The following MBNL1 variants were observed in gnomAD, a reference collection of about 807,000 sequenced individuals.
The protein encoded by MBNL1 is muscleblind-like protein 1.
Under a neutral mutation model 42.2 loss-of-function variants are expected in MBNL1, and 8 were observed. The ratio of observed to expected loss-of-function variants is 0.19; its 90% CI spans 0.11 to 0.34. MBNL1 has a LOEUF of 0.34. Among genes scored for constraint, MBNL1 ranks in the 10% least tolerant of loss-of-function variants. The pLI is 1.00. For synonymous variants in MBNL1, 169 were observed against 173.9 expected (o/e 0.97, Z 0.22); for missense variants, 309 against 495.3 (o/e 0.62, Z 3.57).
At chr3:152,326,948 A>G (rs991494119) in intron 2 of MBNL1, among the ~76,000 whole-genome samples, 4 of 151,812 alleles carry the variant, frequency 2.6e-5, no homozygotes. Context: ...AATTACAGGC[A>G]TGCACCACCA....
intron 3 of MBNL1, among the ~76,000 whole-genome samples, chr3:152,421,222 C>T (rs766459023): frequency 1.3e-5 from 2 of 152,160 alleles, no homozygotes; most frequent in African/African-American, 2.4e-5. Context: ...ACTTCCCCAA[C>T]CTAGCAAGAT....
rs1023006189 is a variant in MBNL1, at chr3:152,297,254, G to GTTTT, written c.-789-2134_-789-2131dup. ...GCTTACAGTTTATGACTGGACCTTTGTTTTTTTTTTTTTTTTTTTTATAGA... is the reference window on the plus strand; with the variant it reads ...GCTTACAGTTTATGACTGGACCTTTGTTTTTTTTTTTTTTTTTTTTTTTTATAGA... On this transcript the variant is annotated intron_variant, in intron 1 of 9. Transcript: ENST00000324210. Among the ~76,000 whole-genome samples the GTTTT allele has an allele frequency of 1.0e-3, 106 of 101,400 alleles. 2 individuals are homozygous for GTTTT. Among genetic ancestry groups the GTTTT allele is most frequent in the Non-Finnish European group, 1.4e-3 (69 of 48,674 alleles). 66.5% of individuals were successfully genotyped at this position (101,400 alleles called of 152,430 possible). A position where few individuals can be genotyped will look rare whatever the true frequency, so the allele number is the denominator to read the frequency against.
intron 2 of MBNL1, among the ~76,000 whole-genome samples, chr3:152,388,292 G>A (rs1275235046): frequency 6.6e-6 from 1 of 152,208 alleles, no homozygotes; most frequent in Non-Finnish European, 1.5e-5. Context: ...ACTATGGTGA[G>A]GAGGATGGAG....
At chr3:152,342,553 A>AAC (rs111644138) in intron 2 of MBNL1, among the ~76,000 whole-genome samples, 16,903 of 145,948 alleles carry the variant, frequency 0.12, 1,082 homozygotes, top group Non-Finnish European at 0.13. Context: ...AACTAAACAA[A>AAC]ACACACACAC....
intron 2 of MBNL1, among the ~76,000 whole-genome samples, chr3:152,334,258 T>C (rs1042201991): frequency 5.9e-5 from 9 of 152,204 alleles, no homozygotes; most frequent in African/African-American, 2.4e-5. Flanking sequence ...AATAGGTAAA[T>C]GATTAGGAAA....
At chr3:152,262,917 A>G (rs2149520834) in intron 2 of MBNL1, 1 of 152,344 alleles carries the variant, frequency 6.6e-6, no homozygotes, top group African/African-American at 2.4e-5. Context: ...TTGAAAGACC[A>G]CGATTGCATA....
chr3:152,394,881 A>T (rs758290066), intron 2 of MBNL1, among the ~76,000 whole-genome samples: 2 of 152,004 alleles, frequency 1.3e-5, no homozygotes, highest in Non-Finnish European at 2.9e-5. Context: ...TTGTCCCGAG[A>T]GGGAGTCTCA....
intron 3 of MBNL1, among the ~76,000 whole-genome samples, chr3:152,420,769 T>C (rs2098791698): frequency 6.6e-6 from 1 of 152,150 alleles, no homozygotes; most frequent in Non-Finnish European, 1.5e-5. Flanking sequence ...GAAAGTGAGT[T>C]TGACAAATTG....
chr3:152,332,746 G>A (rs1331051734), intron 2 of MBNL1, among the ~76,000 whole-genome samples: 3 of 149,852 alleles, frequency 2.0e-5, no homozygotes, highest in Non-Finnish European at 3.0e-5. Flanking sequence ...GTGTGCGCGC[G>A]CGCATGCGCA....
At chr3:152,427,777 T>C (rs1044673253) in intron 3 of MBNL1, among the ~76,000 whole-genome samples, 10 of 150,518 alleles carry the variant, frequency 6.6e-5, no homozygotes, top group African/African-American at 2.4e-4. Flanking sequence ...TTAAAAAATA[T>C]TTAAAAATTA....
intron 2 of MBNL1, among the ~76,000 whole-genome samples, chr3:152,394,916 T>C (rs1195792761): frequency 1.3e-5 from 2 of 152,200 alleles, no homozygotes; most frequent in East Asian, 3.8e-4. Context: ...TGGAGCGCAG[T>C]GGAGCGATCT....
At chr3:152,286,907 G>A (rs1007067546) in intron 1 of MBNL1, among the ~76,000 whole-genome samples, 1 of 152,106 alleles carries the variant, frequency 6.6e-6, no homozygotes. Flanking sequence ...AACATAAATG[G>A]TTTGAGGCAT....
intron 1 of MBNL1, among the ~76,000 whole-genome samples, chr3:152,284,095 A>G (rs890912311): frequency 2.6e-5 from 4 of 152,196 alleles, no homozygotes; most frequent in African/African-American, 7.2e-5. Context: ...AAGGTGGTCA[A>G]TACACAGTTA....
intron 2 of MBNL1, among the ~76,000 whole-genome samples, chr3:152,320,656 G>T (rs1262094692): frequency 6.6e-6 from 1 of 151,082 alleles, no homozygotes; most frequent in Non-Finnish European, 1.5e-5. Flanking sequence ...ATACTGCCAG[G>T]ATAGAAACAT....
chr3:152,404,881 C>G (rs895685631), intron 2 of MBNL1, among the ~76,000 whole-genome samples: 1 of 151,622 alleles, frequency 6.6e-6, no homozygotes, highest in African/African-American at 2.4e-5. Flanking sequence ...TCTTGCTTCA[C>G]TAGGTTTCTT....
chr3:152,392,967 A>G (rs1367650801), intron 2 of MBNL1, among the ~76,000 whole-genome samples: 2 of 152,294 alleles, frequency 1.3e-5, no homozygotes, highest in South Asian at 4.1e-4. Context: ...AAAATGGTGT[A>G]CAATTTGTTG....
intron 1 of MBNL1, among the ~76,000 whole-genome samples, chr3:152,275,971 T>C (rs895865129): frequency 2.0e-5 from 3 of 152,054 alleles, no homozygotes; most frequent in African/African-American, 7.2e-5. Flanking sequence ...TGTGACATTA[T>C]AAAGGTGTAA....
intron 4 of MBNL1, among the ~76,000 whole-genome samples, chr3:152,438,772 T>C (rs1163553996): frequency 6.6e-6 from 1 of 152,270 alleles, no homozygotes; most frequent in Non-Finnish European, 1.5e-5. Context: ...GTTTACTTAA[T>C]GTATTTGTAA....
chr3:152,375,013 G>A (rs994492879), intron 2 of MBNL1, among the ~76,000 whole-genome samples: 2 of 152,114 alleles, frequency 1.3e-5, no homozygotes, highest in African/African-American at 4.8e-5. Flanking sequence ...TTGCCTGTTT[G>A]CTTTTTTTTC....
Sources: allele counts gnomAD v4.1 joint callset (sites outside exome capture counted in the v4.1 genomes callset), GRCh38; gene constraint gnomAD v4.1.1; transcripts MANE v1.5; gene names NCBI Gene and HGNC (gene_info 2026-07-23, HGNC 2026-07-21).